Variants in NCOR2 observed in about 807,000 individuals in gnomAD.
NCOR2 encodes nuclear receptor corepressor 2, also known as CTG repeat protein 26.
A neutral mutation model predicts 262.9 loss-of-function variants in NCOR2; 81 were observed. The observed-to-expected ratio is 0.31, with a 90% CI of 0.26 to 0.37. The LOEUF (loss-of-function observed/expected upper bound fraction) is 0.37, where lower values mean the gene tolerates loss of function less well. NCOR2 is among the 10% of genes least tolerant of loss of function. The pLI is 1.00. For synonymous variants in NCOR2, 1,659 were observed against 1,559.3 expected (o/e 1.06, Z -1.51); for missense variants, 3,385 against 3,621.4 (o/e 0.93, Z 1.68).
At chr12:124,356,958 C>T in intron 22 of NCOR2, 176 bp from the exon 25 acceptor site, 4 of 720,880 alleles carry the variant, frequency 5.5e-6, no homozygotes, top group Non-Finnish European at 8.1e-6. Flanking sequence ...TGCTCTGTAA[C>T]CCCATGGTAT....
chr12:124,375,031 G>A (rs948175248), intron 18 of NCOR2, among the ~76,000 whole-genome samples: 8 of 152,220 alleles, frequency 5.3e-5, no homozygotes, highest in Admixed American at 1.3e-4. Flanking sequence ...TCCGTGCCGA[G>A]TTCTTCACAC....
intron 1 of NCOR2, among the ~76,000 whole-genome samples, chr12:124,519,832 C>T (rs1455694759): frequency 2.6e-5 from 4 of 152,100 alleles, no homozygotes; most frequent in Admixed American, 1.3e-4. Context: ...GGCAGGTATG[C>T]CCCTGAGCCG....
chr12:124,369,533 T>A (rs146374084), intron 20 of NCOR2, among the ~76,000 whole-genome samples: 2,535 of 151,770 alleles, frequency 0.017, 68 homozygotes, highest in African/African-American at 0.057. Flanking sequence ...CTCTGACGCA[T>A]CTCGTCCGCG....
intron 4 of NCOR2, among the ~76,000 whole-genome samples, chr12:124,470,261 T>C (rs2046764006): frequency 6.6e-6 from 1 of 150,506 alleles, no homozygotes; most frequent in Non-Finnish European, 1.5e-5. Flanking sequence ...GAATGTAAAA[T>C]GGGGCAGCTG....
intron 1 of NCOR2, among the ~76,000 whole-genome samples, chr12:124,500,903 T>A (rs1387805411): frequency 6.6e-6 from 1 of 151,856 alleles, no homozygotes; most frequent in Non-Finnish European, 1.5e-5. Context: ...GTGGGGAGGA[T>A]GAAAGGCACG....
At chr12:124,492,615 C>A (rs1039713310) in intron 1 of NCOR2, among the ~76,000 whole-genome samples, 1 of 152,208 alleles carries the variant, frequency 6.6e-6, no homozygotes, top group East Asian at 1.9e-4. Context: ...GTTCCCGCCA[C>A]TGACTGTCCC....
intron 30 of NCOR2, 125 bp downstream of exon 32, chr12:124,347,700 G>A (rs1593155359): frequency 1.1e-6 from 1 of 878,612 alleles, no homozygotes; most frequent in East Asian, 2.7e-5. Flanking sequence ...GTACATGTGT[G>A]CTGCAGGCCT....
chr12:124,477,589 C>T (rs2047173579), intron 3 of NCOR2, among the ~76,000 whole-genome samples: 1 of 152,238 alleles, frequency 6.6e-6, no homozygotes. Context: ...TACAAGCCAA[C>T]GAGCTCTTCA....
chr12:124,358,426 CTG>C (rs1223175634), intron 22 of NCOR2, among the ~76,000 whole-genome samples: 7 of 151,478 alleles, frequency 4.6e-5, no homozygotes, highest in Middle Eastern at 3.4e-3. Context: ...GTGTGTGCGC[CTG>C]TGTGTGTGTG....
At chr12:124,394,091 G>T (rs543898841) in intron 16 of NCOR2, among the ~76,000 whole-genome samples, 1 of 152,374 alleles carries the variant, frequency 6.6e-6, no homozygotes, top group East Asian at 1.9e-4. Context: ...ACCTGCTCAG[G>T]GTCAGACTCT....
chr12:124,362,499 G>A (rs1341809015), intron 21 of NCOR2, among the ~76,000 whole-genome samples: 1 of 151,958 alleles, frequency 6.6e-6, no homozygotes, highest in African/African-American at 2.4e-5. Flanking sequence ...TGGCCCAGCT[G>A]CCCGGTGGTG....
chr12:124,560,695 T>G (rs2052039176), intron 1 of NCOR2, among the ~76,000 whole-genome samples: 1 of 152,204 alleles, frequency 6.6e-6, no homozygotes, highest in East Asian at 1.9e-4. Flanking sequence ...CAAGAGCATC[T>G]CGGAGGAAAC....
At chr12:124,334,661 G>T in intron 40 of NCOR2, 44 bp from the exon 43 acceptor site, 1 of 1,010,674 alleles carries the variant, frequency 9.9e-7, no homozygotes. Flanking sequence ...GCACTCTCCT[G>T]ACAGAACCTT....
chr12:124,386,398 A>T (rs1317328045), intron 16 of NCOR2, among the ~76,000 whole-genome samples: 1 of 151,702 alleles, frequency 6.6e-6, no homozygotes, highest in East Asian at 1.9e-4. Flanking sequence ...TGAGCAGGGG[A>T]TGGGAGGGTG....
chr12:124,336,515 C>T (rs940059372), intron 38 of NCOR2: 43 of 1,161,510 alleles, frequency 3.7e-5, no homozygotes, highest in African/African-American at 4.9e-5. Context: ...CCGGCGAGGA[C>T]GGATGGGCTT....
chr12:124,550,955 T>G (rs2051696238), intron 1 of NCOR2, among the ~76,000 whole-genome samples: 1 of 152,170 alleles, frequency 6.6e-6, no homozygotes, highest in African/African-American at 2.4e-5. Context: ...CACACCAAGC[T>G]CACGTCACAT....
intron 13 of NCOR2, among the ~76,000 whole-genome samples, chr12:124,409,087 A>C (rs909674401): frequency 6.6e-6 from 1 of 152,250 alleles, no homozygotes; most frequent in African/African-American, 2.4e-5. Flanking sequence ...CGGCAGAAAG[A>C]TGCGTGTCGA....
intron 3 of NCOR2, among the ~76,000 whole-genome samples, chr12:124,479,851 G>A (rs1338519056): frequency 6.6e-6 from 1 of 152,222 alleles, no homozygotes; most frequent in Non-Finnish European, 1.5e-5. Flanking sequence ...CCAGCTGCCT[G>A]GGCCTGAATC....
intron 3 of NCOR2, among the ~76,000 whole-genome samples, chr12:124,476,373 C>T (rs1380614657): frequency 1.3e-5 from 2 of 152,190 alleles, no homozygotes; most frequent in African/African-American, 2.4e-5. Context: ...AGAGCCCGGT[C>T]GCACTACTGG....
Sources: allele counts gnomAD v4.1 joint callset (sites outside exome capture counted in the v4.1 genomes callset), GRCh38; gene constraint gnomAD v4.1.1; transcripts MANE v1.5; gene names NCBI Gene and HGNC (gene_info 2026-07-23, HGNC 2026-07-21).